EFCAB13: variants seen among roughly 807,000 people sequenced by gnomAD.
EFCAB13 encodes the protein EF-hand calcium binding domain 13, also known as EF-hand calcium-binding domain-containing protein 13.
A neutral mutation model predicts 110.2 loss-of-function variants in EFCAB13; 91 were observed. The ratio of observed to expected loss-of-function variants is 0.83; its 90% CI spans 0.70 to 0.98. The LOEUF is 0.98. Among genes scored for constraint, EFCAB13 ranks in the 50% least tolerant of loss-of-function variants. The probability of loss-of-function intolerance (pLI) is 0.00; values close to 1 mark genes in which losing one functional copy is unlikely to be tolerated. For synonymous variants in EFCAB13, 323 were observed against 369.9 expected, an observed-to-expected ratio of 0.87 and a Z score of 1.45; for missense variants, 968 against 1,119.4, an observed-to-expected ratio of 0.86 and a Z score of 1.93.
intron 5 of EFCAB13, among the ~76,000 whole-genome samples, chr17:47,339,377 G>A (rs1182217529): frequency 6.6e-6 from 1 of 152,046 alleles, no homozygotes; most frequent in Non-Finnish European, 1.5e-5. Context: ...GGCAGGGGTG[G>A]TTTCTGGATG....
intron 20 of EFCAB13, among the ~76,000 whole-genome samples, chr17:47,407,899 A>C (rs187549370): frequency 6.6e-5 from 10 of 152,252 alleles, no homozygotes; most frequent in African/African-American, 2.4e-4. Context: ...TTGGCCCCTA[A>C]ATCACACCAT....
intron 14 of EFCAB13, among the ~76,000 whole-genome samples, chr17:47,381,202 GT>G (rs199940633): frequency 9.9e-5 from 15 of 150,908 alleles, no homozygotes; most frequent in South Asian, 2.1e-4. Context: ...TTTTTGATGG[GT>G]TTTTTTTTCT....
At chr17:47,328,503 C>A in intron 4 of EFCAB13, 120 bp downstream of exon 4, 1 of 750,818 alleles carries the variant, frequency 1.3e-6, no homozygotes, top group Non-Finnish European at 2.2e-6. Context: ...AGGAACCTGG[C>A]CAAGTAACTG....
At chr17:47,435,123 A>G (rs1393040823) in intron 24 of EFCAB13, among the ~76,000 whole-genome samples, 1 of 152,164 alleles carries the variant, frequency 6.6e-6, no homozygotes, top group Non-Finnish European at 1.5e-5. Flanking sequence ...GAAAATATTC[A>G]CAAACTCTAC....
At chr17:47,411,118 G>A (rs968581461) in intron 21 of EFCAB13, among the ~76,000 whole-genome samples, 4 of 152,082 alleles carry the variant, frequency 2.6e-5, no homozygotes, top group African/African-American at 9.7e-5. Flanking sequence ...TGATACTTAT[G>A]TAATATTTAC....
intron 14 of EFCAB13, among the ~76,000 whole-genome samples, chr17:47,383,976 A>G (rs75670724): frequency 9.2e-5 from 14 of 152,234 alleles, no homozygotes; most frequent in East Asian, 7.7e-4. Flanking sequence ...GAGTCTAAGT[A>G]TCTTTGTACG....
chr17:47,409,581 C>G, intron 20 of EFCAB13, 66 bp from the exon 21 acceptor site: 1 of 1,223,704 alleles, frequency 8.2e-7, no homozygotes, highest in Admixed American at 1.7e-5. Flanking sequence ...CCATTGGTTT[C>G]CTTTCAAACA....
chr17:47,377,912 C>A lies in EFCAB13; in HGVS notation c.1510+9C>A. 1 of 1,565,830 alleles carries A rather than the reference C, an allele frequency of 6.4e-7. No individual in the cohort carries two copies. The highest frequency in any genetic ancestry group is 2.3e-5 in the East Asian group (1 of 42,820). ...AGACACTAGTAGAAATGGTGAGAGA[C>A]TGATAACACTGAAGTTTCTGAGAAA... On this transcript the variant is annotated intron_variant, in intron 13 of 24. Transcript: ENST00000331493.
rs2065604125 is a variant in EFCAB13 at position 47,374,679 on chromosome 17, A to T, written c.1085A>T (p.Asn362Ile). The T allele has an allele frequency of 6.2e-7, 1 of 1,612,486 alleles. No individual in the cohort carries two copies. The highest frequency in any genetic ancestry group is 8.5e-7 in the Non-Finnish European group (1 of 1,179,672). ...GACCTTGAATCTAAAAGACCAAAAA[A>T]TACTTGGCAAATAAGAAAATTTCTG... is the stretch of plus-strand genomic sequence containing the variant. ...NDDLESKRPK[N>I]TWQIRKFLGG... Residue 362 changes from asparagine (N) to isoleucine (I), a missense_variant, in exon 12 of 25, where the codon AAT (asparagine) becomes ATT (isoleucine). Asn to Ile is a moderately radical substitution (Grantham distance 149). Coordinates refer to ENST00000331493, the MANE Select transcript of EFCAB13 (RefSeq NM_152347.5).
At chr17:47,425,485 A>G (rs143984402) in intron 23 of EFCAB13, among the ~76,000 whole-genome samples, 593 of 152,272 alleles carry the variant, frequency 3.9e-3, no homozygotes, top group Middle Eastern at 0.01. Flanking sequence ...GGCAGCTACT[A>G]CCCAGAACCC....
At chr17:47,327,479 A>C (rs186704227) in intron 3 of EFCAB13, among the ~76,000 whole-genome samples, 93 of 139,228 alleles carry the variant, frequency 6.7e-4, no homozygotes, top group Middle Eastern at 5.5e-3. Context: ...TTTATTTTTG[A>C]GACAGTCTCA....
chr17:47,371,247 A>G (rs1198897828), intron 11 of EFCAB13, among the ~76,000 whole-genome samples: 1 of 151,734 alleles, frequency 6.6e-6, no homozygotes, highest in Admixed American at 6.6e-5. Context: ...TCATTTGTCT[A>G]TGTTTGTTTT....
intron 20 of EFCAB13, among the ~76,000 whole-genome samples, chr17:47,405,145 A>G (rs1339034641): frequency 6.6e-6 from 1 of 152,174 alleles, no homozygotes; most frequent in Non-Finnish European, 1.5e-5. Flanking sequence ...AACCTACCTC[A>G]TTCTTTTAAA....
At chr17:47,426,734 A>G (rs975088628) in intron 23 of EFCAB13, among the ~76,000 whole-genome samples, 2 of 152,202 alleles carry the variant, frequency 1.3e-5, no homozygotes, top group Admixed American at 6.5e-5. Context: ...AGGGTTGCCA[A>G]TTGGCGATGC....
intron 23 of EFCAB13, among the ~76,000 whole-genome samples, chr17:47,424,257 T>C (rs1409608034): frequency 2.6e-5 from 4 of 152,118 alleles, no homozygotes; most frequent in Non-Finnish European, 1.5e-5. Flanking sequence ...GAGTGGCCCC[T>C]TGGACGCCGG....
At chr17:47,347,660 A>T in intron 8 of EFCAB13, 148 bp from the exon 9 acceptor site, 1 of 481,886 alleles carries the variant, frequency 2.1e-6, no homozygotes, top group Non-Finnish European at 3.3e-6. Flanking sequence ...AAGATTGAAG[A>T]GGGTGGGGTA....
chr17:47,389,671 T>C (rs1031704530), intron 14 of EFCAB13, among the ~76,000 whole-genome samples: 1 of 152,074 alleles, frequency 6.6e-6, no homozygotes, highest in Non-Finnish European at 1.5e-5. Flanking sequence ...TCTCTTCTTT[T>C]ACCTGGGCTT....
intron 15 of EFCAB13, among the ~76,000 whole-genome samples, chr17:47,392,902 C>A (rs917416664): frequency 3.9e-5 from 6 of 152,100 alleles, no homozygotes; most frequent in Non-Finnish European, 8.8e-5. Context: ...AAATACAAGC[C>A]ACACACTGGT....
intron 5 of EFCAB13, among the ~76,000 whole-genome samples, chr17:47,336,440 C>T (rs575983221): frequency 5.3e-5 from 8 of 152,066 alleles, no homozygotes; most frequent in Admixed American, 3.3e-4. Context: ...TATAGGCGAC[C>T]ACCACCATGC....
Sources: gnomAD v4.1 joint callset for allele counts (sites outside exome capture counted in the v4.1 genomes callset) on GRCh38, gnomAD v4.1.1 for gene constraint, MANE v1.5 for transcripts, NCBI Gene and HGNC (gene_info 2026-07-23, HGNC 2026-07-21) for gene names.